IL1RAPL1: variants seen among roughly 807,000 people sequenced by gnomAD.
IL1RAPL1 encodes the protein interleukin 1 receptor accessory protein like 1, also known as interleukin-1 receptor accessory protein-like 1.
In IL1RAPL1, 3 loss-of-function variants were observed where a neutral mutation model predicts 48.4. The ratio of observed to expected loss-of-function variants is 0.06; its 90% CI spans 0.03 to 0.16. The LOEUF is 0.16. IL1RAPL1 is among the 10% of genes least tolerant of loss of function. The pLI is 1.00. For synonymous variants in IL1RAPL1, 185 were observed against 187.7 expected (o/e 0.99, Z 0.12); for missense variants, 349 against 530.6 (o/e 0.66, Z 3.36).
At chrX:29,623,369 A>G (rs932085816) in intron 5 of IL1RAPL1, among the ~76,000 whole-genome samples, 4 of 111,709 alleles carry the variant, frequency 3.6e-5, no homozygotes, top group African/African-American at 1.3e-4. Flanking sequence ...TTTCTCAAAT[A>G]CCATAGAATT....
intron 1 of IL1RAPL1, among the ~76,000 whole-genome samples, chrX:28,751,257 T>A (rs1936040163): frequency 8.9e-6 from 1 of 111,805 alleles, no homozygotes; most frequent in Non-Finnish European, 1.9e-5. Context: ...TACTTTTCTT[T>A]TTAACTTTCT....
At chrX:29,272,305 C>T (rs190523087) in intron 2 of IL1RAPL1, among the ~76,000 whole-genome samples, 11 of 111,495 alleles carry the variant, frequency 9.9e-5, no homozygotes, top group Non-Finnish European at 7.5e-5. Context: ...GTTACTGTAG[C>T]CTTGTAGTCA....
chrX:29,447,087 A>G (rs1934620856), intron 5 of IL1RAPL1, among the ~76,000 whole-genome samples: 1 of 111,378 alleles, frequency 9.0e-6, no homozygotes, highest in Admixed American at 9.6e-5. Flanking sequence ...ATTTATCTTA[A>G]AAAACATGAT....
intron 2 of IL1RAPL1, among the ~76,000 whole-genome samples, chrX:28,839,701 T>TA (rs1256550025): frequency 1.4e-4 from 16 of 110,782 alleles, no homozygotes; most frequent in African/African-American, 5.2e-4. Context: ...TACATATTTT[T>TA]AAAAAATTTA....
chrX:29,389,665 G>A (rs185055749), intron 3 of IL1RAPL1, among the ~76,000 whole-genome samples: 43 of 111,943 alleles, frequency 3.8e-4, no homozygotes, highest in African/African-American at 1.3e-3. Flanking sequence ...ATAAAAATAG[G>A]AAAATTATAT....
At chrX:28,826,292 C>T (rs1490800270) in intron 2 of IL1RAPL1, among the ~76,000 whole-genome samples, 1 of 111,315 alleles carries the variant, frequency 9.0e-6, no homozygotes, top group African/African-American at 3.3e-5. Flanking sequence ...CATTGGTGGA[C>T]TAAAATGTAA....
At chrX:29,324,516 G>A (rs7888031) in intron 3 of IL1RAPL1, among the ~76,000 whole-genome samples, 4,563 of 111,686 alleles carry the variant, frequency 0.041, 220 homozygotes, top group African/African-American at 0.14. Context: ...CCTCCCAGGT[G>A]TGGTGCAGGA....
Position 29,742,855 on chromosome X carries a change from T to C in IL1RAPL1, c.778+74351T>C, listed in dbSNP as rs760860068. On this transcript the variant is annotated intron_variant, in intron 6 of 10. Transcript: ENST00000378993. ...CCTGCATTTTTCCCGTCTTTCCGGA[T>C]TTGACAGGAAGAGTGGCTGTGGCAT... Among the ~76,000 whole-genome samples the C allele has an allele frequency of 1.3e-3, 144 of 111,369 alleles. 1 individual carries two copies. Among genetic ancestry groups the C allele is most frequent in the African/African-American group, 4.4e-3 (136 of 30,709 alleles).
In IL1RAPL1 at chrX:29,539,272, A is replaced by T. The variant is rs751397511; in HGVS notation, c.704-129158A>T. ...TTGGTTTAACATACTCAAATCAATA[A>T]ATGTGACTCACTCATAAACAGAATT... On this transcript the variant is annotated intron_variant, in intron 5 of 10. Coordinates refer to ENST00000378993, the MANE Select transcript of IL1RAPL1 (RefSeq NM_014271.4). Among the ~76,000 whole-genome samples the T allele has an allele frequency of 3.6e-5, 4 of 112,000 alleles. No individual in the cohort carries two copies. In the South Asian group the frequency reaches 1.5e-3, roughly 42 times the overall value.
At chrX:28,735,467 CA>C (rs1034203987) in intron 1 of IL1RAPL1, among the ~76,000 whole-genome samples, 3 of 110,909 alleles carry the variant, frequency 2.7e-5, no homozygotes, top group African/African-American at 9.8e-5. Flanking sequence ...AATAATTTTC[CA>C]GGAAGATTCC....
At chrX:29,640,991 C>T (rs1029425074) in intron 5 of IL1RAPL1, among the ~76,000 whole-genome samples, 3 of 99,463 alleles carry the variant, frequency 3.0e-5, no homozygotes, top group South Asian at 8.4e-4. Flanking sequence ...AAAGTGAGAA[C>T]CCCATCTCTT....
intron 6 of IL1RAPL1, among the ~76,000 whole-genome samples, chrX:29,681,216 T>A (rs1171667396): frequency 2.7e-5 from 3 of 112,506 alleles, no homozygotes; most frequent in African/African-American, 9.7e-5. Flanking sequence ...GATTGGTAAA[T>A]CGAGAGTTTA....
chrX:29,028,136 G>T lies in IL1RAPL1; in HGVS notation c.82+238711G>T, dbSNP rs756772565. ...AGTCTATTCTTGTAGCAATTTTTAA[G>T]AATACAATACATTGTTACTAACTGT... On this transcript the variant is annotated intron_variant, in intron 2 of 10. Coordinates refer to ENST00000378993, the MANE Select transcript of IL1RAPL1 (RefSeq NM_014271.4). Among the ~76,000 whole-genome samples, 5 of 110,291 alleles carry T rather than the reference G, an allele frequency of 4.5e-5. No homozygotes were observed. The South Asian group carries it at 1.9e-3, about 42-fold the overall frequency.
chrX:29,283,156 G>A lies in IL1RAPL1; in HGVS notation c.301G>A (p.Asp101Asn). Residue 101 changes from aspartate (D) to asparagine (N), a missense_variant, in exon 3 of 11, where the codon GAC becomes AAC. By Grantham distance (23) the Asp-to-Asn change is conservative. Coordinates refer to ENST00000378993, the MANE Select transcript of IL1RAPL1 (RefSeq NM_014271.4). ...FDGSRMSKEE[D>N]SIWFRPTLLQ... ...CGGAAGTAGAATGAGCAAAGAAGAA[G>A]ACTCCATTTGGTTCCGGCCAACATT... is the stretch of plus-strand genomic sequence containing the variant. 1 of 1,211,536 alleles carries A rather than the reference G, an allele frequency of 8.3e-7. No individual in the cohort carries two copies. Among genetic ancestry groups the A allele is most frequent in the Non-Finnish European group, 1.1e-6 (1 of 895,309 alleles).
At chrX:28,931,762 G>A (rs1923886141) in intron 2 of IL1RAPL1, among the ~76,000 whole-genome samples, 1 of 111,595 alleles carries the variant, frequency 9.0e-6, no homozygotes, top group African/African-American at 3.3e-5. Flanking sequence ...AATAGGCCAG[G>A]TGCGGTGGCT....
At chrX:29,935,174 TG>T (rs1252111810) in intron 8 of IL1RAPL1, among the ~76,000 whole-genome samples, 2 of 108,792 alleles carry the variant, frequency 1.8e-5, no homozygotes, top group Admixed American at 9.8e-5. Context: ...ACACCGGGGG[TG>T]GGGGGGATGA....
chrX:28,862,460 T>C (rs1921970849), intron 2 of IL1RAPL1, among the ~76,000 whole-genome samples: 1 of 111,849 alleles, frequency 8.9e-6, no homozygotes, highest in African/African-American at 3.3e-5. Flanking sequence ...ATGATTAAAT[T>C]GGGCAGAGAA....
intron 1 of IL1RAPL1, among the ~76,000 whole-genome samples, chrX:28,602,736 T>A (rs1934041570): frequency 8.9e-6 from 1 of 111,965 alleles, no homozygotes. Context: ...CATCTTTTAT[T>A]AATTTGGGTA....
At chrX:28,861,978 C>A (rs1921955903) in intron 2 of IL1RAPL1, among the ~76,000 whole-genome samples, 1 of 110,942 alleles carries the variant, frequency 9.0e-6, no homozygotes, top group Non-Finnish European at 1.9e-5. Flanking sequence ...TTCACAGTGT[C>A]CTGCAGCAAT....
Sources: gnomAD v4.1 joint callset for allele counts (sites outside exome capture counted in the v4.1 genomes callset) on GRCh38, gnomAD v4.1.1 for gene constraint, MANE v1.5 for transcripts, NCBI Gene and HGNC (gene_info 2026-07-23, HGNC 2026-07-21) for gene names.